Variants in SPIDR observed in about 807,000 individuals in gnomAD.
SPIDR encodes the protein scaffold protein involved in DNA repair.
A neutral mutation model predicts 104.6 loss-of-function variants in SPIDR; 93 were observed. The observed-to-expected ratio is 0.89, with a 90% confidence interval of 0.75 to 1.06. The LOEUF is 1.06. Among genes scored for constraint, SPIDR ranks in the 50% least tolerant of loss-of-function variants. SPIDR has a pLI of 0.00. For synonymous variants in SPIDR, 431 were observed against 416.9 expected, an observed-to-expected ratio of 1.03 and a Z score of -0.41; for missense variants, 1,154 against 1,111.2, an observed-to-expected ratio of 1.04 and a Z score of -0.55.
chr8:47,331,474 T>C (rs138014938), intron 5 of SPIDR, among the ~76,000 whole-genome samples: 10 of 152,304 alleles, frequency 6.6e-5, no homozygotes, highest in African/African-American at 2.2e-4. Context: ...GTTATTTATG[T>C]ATCTAAGCAT....
intron 5 of SPIDR, among the ~76,000 whole-genome samples, chr8:47,391,927 C>A (rs1343394551): frequency 6.9e-6 from 1 of 144,500 alleles, no homozygotes; most frequent in Non-Finnish European, 1.5e-5. Flanking sequence ...ACCTGGGAGG[C>A]GGAGCTTGCA....
chr8:47,487,211 T>A (rs2077796958), intron 8 of SPIDR, among the ~76,000 whole-genome samples: 1 of 152,024 alleles, frequency 6.6e-6, no homozygotes. Flanking sequence ...AATCCTAGTC[T>A]CTCATGAAAC....
intron 7 of SPIDR, among the ~76,000 whole-genome samples, chr8:47,408,373 C>T (rs2063044708): frequency 6.6e-6 from 1 of 152,186 alleles, no homozygotes; most frequent in Non-Finnish European, 1.5e-5. Context: ...AATTCTCTCA[C>T]TTCAGCCTCC....
intron 5 of SPIDR, among the ~76,000 whole-genome samples, chr8:47,370,804 C>T (rs1375805360): frequency 2.0e-5 from 3 of 151,860 alleles, no homozygotes; most frequent in Non-Finnish European, 4.4e-5. Flanking sequence ...AATCTAGTAA[C>T]TGGCCACTGA....
chr8:47,361,850 G>C (rs1372766870), intron 5 of SPIDR, among the ~76,000 whole-genome samples: 8 of 152,240 alleles, frequency 5.3e-5, no homozygotes, highest in Non-Finnish European at 1.2e-4. Flanking sequence ...CATATGGTTT[G>C]AGAGAACAGG....
intron 8 of SPIDR, among the ~76,000 whole-genome samples, chr8:47,590,189 A>T (rs1214513281): frequency 5.3e-5 from 8 of 151,922 alleles, no homozygotes. Context: ...AAAAAAAAAA[A>T]ATTATTTCTT....
At chr8:47,432,486 A>G (rs1392790606) in intron 7 of SPIDR, among the ~76,000 whole-genome samples, 1 of 152,246 alleles carries the variant, frequency 6.6e-6, no homozygotes, top group Admixed American at 6.5e-5. Flanking sequence ...ATTAGGAGTC[A>G]TTCATTTCTT....
At chr8:47,719,457 C>T (rs1488545193) in intron 16 of SPIDR, among the ~76,000 whole-genome samples, 1 of 151,632 alleles carries the variant, frequency 6.6e-6, no homozygotes, top group African/African-American at 2.4e-5. Flanking sequence ...TGCAGTGAGC[C>T]GAGACTGCAC....
intron 8 of SPIDR, among the ~76,000 whole-genome samples, chr8:47,551,302 AT>A (rs2090429477): frequency 6.6e-6 from 1 of 152,064 alleles, no homozygotes; most frequent in Non-Finnish European, 1.5e-5. Context: ...GTTAGGGAGG[AT>A]TCCCTCTTTT....
intron 7 of SPIDR, among the ~76,000 whole-genome samples, chr8:47,426,273 A>G (rs2066398145): frequency 6.6e-6 from 1 of 152,156 alleles, no homozygotes; most frequent in African/African-American, 2.4e-5. Flanking sequence ...AAAGCAAAAC[A>G]AAACAAAAAA....
intron 8 of SPIDR, among the ~76,000 whole-genome samples, chr8:47,467,905 G>C (rs1039336289): frequency 2.6e-5 from 4 of 152,102 alleles, no homozygotes; most frequent in Non-Finnish European, 5.9e-5. Flanking sequence ...TAGGAATAGA[G>C]GAAATCAAAT....
chr8:47,664,939 AAAG>A (rs1273907895), intron 10 of SPIDR, among the ~76,000 whole-genome samples: 2 of 151,980 alleles, frequency 1.3e-5, no homozygotes. Context: ...GAAAGGGAGA[AAAG>A]AATGGAGGAA....
chr8:47,725,975 G>C (rs1271523019), intron 16 of SPIDR, among the ~76,000 whole-genome samples: 1 of 152,240 alleles, frequency 6.6e-6, no homozygotes, highest in Non-Finnish European at 1.5e-5. Context: ...GTGGGCCTTT[G>C]GTGGGCCTGC....
rs553521744 is a variant in SPIDR, at chr8:47,625,230, C to T, written c.1544+26034C>T. ...CTCAATAAATTAGGTATTGATGAGA[C>T]GTACCTCAAAATAATAAGAGCTATC... On this transcript the variant is annotated intron_variant, in intron 10 of 19. Transcript: ENST00000297423. Among the ~76,000 whole-genome samples the T allele has an allele frequency of 3.8e-3, 572 of 152,304 alleles. 3 individuals are homozygous for T. Among genetic ancestry groups the T allele is most frequent in the South Asian group, 0.022 (107 of 4,824 alleles).
At chr8:47,297,557 T>G (rs1217919237) in intron 5 of SPIDR, among the ~76,000 whole-genome samples, 6 of 152,234 alleles carry the variant, frequency 3.9e-5, no homozygotes, top group African/African-American at 1.4e-4. Context: ...GCTGCACCCA[T>G]TAACTCGTCA....
intron 8 of SPIDR, among the ~76,000 whole-genome samples, chr8:47,498,190 T>A (rs1392478996): frequency 1.3e-5 from 2 of 152,218 alleles, no homozygotes; most frequent in Admixed American, 6.5e-5. Context: ...TCTCTGTCTC[T>A]CTTTCTCTCC....
chr8:47,456,554 AT>A (rs2073013064), intron 8 of SPIDR, among the ~76,000 whole-genome samples: 6 of 152,208 alleles, frequency 3.9e-5, no homozygotes, highest in African/African-American at 1.4e-4. Context: ...ACATGTGGAA[AT>A]TAAACAACAC....
At chr8:47,684,126 CAAA>C (rs748328609) in intron 11 of SPIDR, among the ~76,000 whole-genome samples, 117 of 38,112 alleles carry the variant, frequency 3.1e-3, no homozygotes, top group Non-Finnish European at 4.6e-3. Context: ...GACTCTGTCT[CAAA>C]AAAAAAAAAA....
Position 47,460,209 on chromosome 8 carries a change from C to T in SPIDR, c.1097+19667C>T, listed in dbSNP as rs1586078441. On this transcript the variant is annotated intron_variant, in intron 8 of 19. Transcript: ENST00000297423. ...GTTTGTTGACTTTCTGTCTTGATGA[C>T]CTGTCTAGTCCTATCAGTGGAGTGT... 4.6e-5 allele frequency among the ~76,000 whole-genome samples: 7 copies of T among 152,156 alleles called. No individual in the cohort carries two copies. In the South Asian group the frequency reaches 1.5e-3, roughly 32 times the overall value.
Sources: allele counts gnomAD v4.1 joint callset (sites outside exome capture counted in the v4.1 genomes callset), GRCh38; gene constraint gnomAD v4.1.1; transcripts MANE v1.5; gene names NCBI Gene and HGNC (gene_info 2026-07-23, HGNC 2026-07-21).